CNDP2: variants seen among roughly 807,000 people sequenced by gnomAD.
CNDP2 encodes cytosolic non-specific dipeptidase.
Under a neutral mutation model 55.0 loss-of-function variants are expected in CNDP2, and 38 were observed. The observed-to-expected ratio is 0.69, with a 90% CI of 0.53 to 0.90. The LOEUF is 0.90. Among genes scored for constraint, CNDP2 ranks in the 40% least tolerant of loss-of-function variants. CNDP2 has a pLI of 0.00. For missense variants in CNDP2, 607 were observed against 621.7 expected (o/e 0.98, Z 0.25); for synonymous variants, 241 against 260.2 (o/e 0.93, Z 0.71).
rs774078351 is a variant in CNDP2 at position 74,512,440 on chromosome 18, C to T, written c.658-8C>T. On this transcript the variant is annotated splice_region_variant and splice_polypyrimidine_tract_variant and intron_variant, in intron 6 of 11. Transcript: ENST00000324262. Reference sequence around the variant, plus strand: ...CAGCCAGACACAGTGGCCTTTGTTTCCGTGCAGGTGGAGTGCAGCAACAAA... The same window carrying T: ...CAGCCAGACACAGTGGCCTTTGTTTTCGTGCAGGTGGAGTGCAGCAACAAA... 6 of 1,610,798 alleles carry T rather than the reference C, an allele frequency of 3.7e-6. No individual in the cohort carries two copies. In the East Asian group the frequency reaches 8.9e-5, roughly 24 times the overall value.
At position 74,499,885 on chromosome 18, in the gene CNDP2, G is replaced by T; in HGVS notation, c.-89G>T. On this transcript the variant is annotated 5_prime_UTR_variant, in exon 2 of 12. Coordinates refer to ENST00000324262, the MANE Select transcript of CNDP2 (RefSeq NM_018235.3). The stretch of plus-strand genomic sequence containing the variant: ...TGAACACGTGCTTTCTGGGCAGGTC[G>T]CCCCTCAGTCTCCACTAGAGACAGG... 4 of 1,158,666 alleles carry T rather than the reference G, an allele frequency of 3.5e-6. No individual in the cohort carries two copies. The highest frequency in any genetic ancestry group is 5.1e-6 in the Non-Finnish European group (4 of 789,338). The allele number at this position is 1,158,666 out of a possible 1,614,324, so 71.8% of individuals were successfully genotyped here.
intron 3 of CNDP2, chr18:74,504,791 G>C (rs1455561893): frequency 6.6e-6 from 1 of 152,204 alleles, no homozygotes; most frequent in African/African-American, 2.4e-5. Flanking sequence ...GACACTTTGT[G>C]ATGATCATGG....
Position 74,520,351 on chromosome 18 carries a change from G to T in CNDP2, c.*283G>T. On this transcript the variant is annotated 3_prime_UTR_variant, in exon 12 of 12. Transcript: ENST00000324262. ...GATACCCAAGGTCCAAAAGCACAAGGTCTGCGGAAAGTTCTGGTTGTCGGC... is the reference window on the plus strand; with the variant it reads ...GATACCCAAGGTCCAAAAGCACAAGTTCTGCGGAAAGTTCTGGTTGTCGGC... 2.5e-6 allele frequency: 1 copy of T among 392,626 alleles called. No homozygotes were observed. The highest frequency in any genetic ancestry group is 4.7e-6 in the Non-Finnish European group (1 of 212,026). 24.3% of individuals were successfully genotyped at this position (392,626 alleles called of 1,614,324 possible).
At chr18:74,513,487 C>A in intron 7 of CNDP2, 72 bp from the exon 8 acceptor site, 1 of 1,442,686 alleles carries the variant, frequency 6.9e-7, no homozygotes, top group Non-Finnish European at 9.2e-7. Flanking sequence ...TTCCTGGGGT[C>A]GGTGCAGGAA....
intron 9 of CNDP2, 68 bp downstream of exon 9, chr18:74,516,460 T>A (rs2241509): frequency 0.41 from 594,777 of 1,458,748 alleles, 121,997 homozygotes; most frequent in Admixed American, 0.42. Context: ...TTGGGTAATA[T>A]AGGCTGTTAC....
intron 4 of CNDP2, 58 bp from the exon 5 acceptor site, chr18:74,508,782 C>G: frequency 7.0e-7 from 1 of 1,430,488 alleles, no homozygotes; most frequent in South Asian, 1.1e-5. Context: ...ACCTGAGACA[C>G]GCTGCTTCTG....
At chr18:74,499,777 C>T in intron 1 of CNDP2, 105 bp from the exon 2 acceptor site, 1 of 454,616 alleles carries the variant, frequency 2.2e-6, no homozygotes, top group African/African-American at 2.0e-5. Context: ...GTTTTTGTCT[C>T]TGAAGCCGCA....
Position 74,520,316 on chromosome 18 carries a change from A to C in CNDP2, c.*248A>C. The C allele has an allele frequency of 4.3e-6, 2 of 469,362 alleles. No homozygotes were observed. Among genetic ancestry groups the C allele is most frequent in the Admixed American group, 3.7e-5 (1 of 27,078 alleles). The allele number at this position is 469,362 out of a possible 1,614,324, so 29.1% of individuals were successfully genotyped here. On this transcript the variant is annotated 3_prime_UTR_variant, in exon 12 of 12. Coordinates refer to ENST00000324262, the MANE Select transcript of CNDP2 (RefSeq NM_018235.3). ...TTCTCAGAGTGGTCAGGATGGCTTGACCTGCAGAAGATACCCAAGGTCCAA... is the reference window on the plus strand; with the variant it reads ...TTCTCAGAGTGGTCAGGATGGCTTGCCCTGCAGAAGATACCCAAGGTCCAA...
intron 5 of CNDP2, chr18:74,509,507 A>C (rs1267121576): frequency 6.6e-6 from 1 of 152,116 alleles, no homozygotes; most frequent in Non-Finnish European, 1.5e-5. Flanking sequence ...GGTGGTGGGC[A>C]CCTGTAATCC....
rs547973029 is a variant in CNDP2, at chr18:74,510,801, C to T, written c.457-12C>T. 173 of 1,610,430 alleles carry T rather than the reference C, an allele frequency of 1.1e-4. 2 individuals are homozygous for T. The South Asian group carries it at 1.8e-3, about 17-fold the overall frequency. ...AAGCTGAATATCCACTCGTGCTGTT[C>T]CCTTCTCACAGGAGATTCCTGTCAA... On this transcript the variant is annotated splice_polypyrimidine_tract_variant and intron_variant, in intron 5 of 11. Coordinates refer to ENST00000324262, the MANE Select transcript of CNDP2 (RefSeq NM_018235.3).
In CNDP2 at chr18:74,513,632, G is replaced by A. The variant is rs1166686439; in HGVS notation, c.816G>A (p.Glu272=). The A allele has an allele frequency of 1.2e-6, 2 of 1,614,100 alleles. No individual in the cohort carries two copies. Among genetic ancestry groups the A allele is most frequent in the Non-Finnish European group, 1.7e-6 (2 of 1,180,038 alleles). ...AGGCCGTGGCCGCCGTCACGGAAGA[G>A]GAGCACAAGCTGTACGACGACATCG... ...INEAVAAVTE[E]EHKLYDDIDF... is the part of the protein sequence containing the mutation. Residue 272 remains glutamate, a synonymous_variant, in exon 8 of 12, where the codon GAG becomes GAA. Transcript: ENST00000324262.
intron 8 of CNDP2, 85 bp downstream of exon 8, chr18:74,513,804 C>A: frequency 7.1e-7 from 1 of 1,404,402 alleles, no homozygotes; most frequent in South Asian, 1.3e-5. Flanking sequence ...TTCCCTGGGT[C>A]CAGGGGGTCT....
In CNDP2 at chr18:74,523,168, T is replaced by G. The variant is rs1358144690; in HGVS notation, c.*3100T>G. 2 of 152,266 alleles carry G rather than the reference T, an allele frequency of 1.3e-5. No individual in the cohort carries two copies. Among genetic ancestry groups the G allele is most frequent in the Non-Finnish European group, 2.9e-5 (2 of 68,052 alleles). 9.4% of individuals were successfully genotyped at this position (152,266 alleles called of 1,614,324 possible). A position where few individuals can be genotyped will look rare whatever the true frequency, so the allele number is the denominator to read the frequency against. ...ATTTGCACACGTCCAGACTGCTTTA[T>G]GTTAGAAGCTGAGCTGGCATGCCAC... On this transcript the variant is annotated 3_prime_UTR_variant, in exon 12 of 12. Transcript: ENST00000324262.
intron 1 of CNDP2, among the ~76,000 whole-genome samples, chr18:74,496,694 G>A (rs1300548606): frequency 6.6e-6 from 1 of 152,210 alleles, no homozygotes; most frequent in Non-Finnish European, 1.5e-5. Context: ...GCGCGTCCCC[G>A]GTACGCAGGG....
At chr18:74,502,181 A>T (rs555145091) in intron 3 of CNDP2, among the ~76,000 whole-genome samples, 1 of 152,282 alleles carries the variant, frequency 6.6e-6, no homozygotes, top group East Asian at 1.9e-4. Context: ...CCACTTTTTC[A>T]TAAGAGATAT....
chr18:74,512,504 G>A lies in CNDP2; in HGVS notation c.714G>A (p.Glu238=). Residue 238 remains glutamate (E), a synonymous_variant, in exon 7 of 12, where the codon GAG becomes GAA. Coordinates refer to ENST00000324262, the MANE Select transcript of CNDP2 (RefSeq NM_018235.3). ...GGGTGTACGGGGGCTCGGTGCATGA[G>A]GCCATGACTGATCTCATTTTGCTGA... The part of the protein sequence containing the change: ...HSGVYGGSVH[E]AMTDLILLMG... The A allele has an allele frequency of 6.2e-7, 1 of 1,613,994 alleles. No homozygotes were observed. The highest frequency in any genetic ancestry group is 1.3e-5 in the African/African-American group (1 of 75,016).
Position 74,520,342 on chromosome 18 carries a change from A to C in CNDP2, c.*274A>C. On this transcript the variant is annotated 3_prime_UTR_variant, in exon 12 of 12. Transcript: ENST00000324262. ...CCTGCAGAAGATACCCAAGGTCCAA[A>C]AGCACAAGGTCTGCGGAAAGTTCTG... 1 of 414,874 alleles carries C rather than the reference A, an allele frequency of 2.4e-6. No individual in the cohort carries two copies. 25.7% of individuals were successfully genotyped at this position (414,874 alleles called of 1,614,324 possible).
rs1290009704 is a variant in CNDP2 at position 74,508,923 on chromosome 18, G to C, written c.451G>C (p.Gly151Arg). 1.2e-6 allele frequency: 2 copies of C among 1,613,920 alleles called. 1 individual carries two copies. The highest frequency in any genetic ancestry group is 2.2e-5 in the South Asian group (2 of 91,082). Residue 151 changes from glycine to arginine, a missense_variant, in exon 5 of 12, where the codon GGC becomes CGC. By Grantham distance (125) the Gly-to-Arg change is moderately radical (BLOSUM62 -2). Transcript: ENST00000324262. ...CGCCCTGGAAGCGTATCAGAAAACAGGCCAGGTATGCCCCCCACGCTGACT... is the reference window on the plus strand; with the variant it reads ...CGCCCTGGAAGCGTATCAGAAAACACGCCAGGTATGCCCCCCACGCTGACT... Reference protein sequence around the residue: ...INALEAYQKTGQEIPVNVRFC... With the variant: ...INALEAYQKTRQEIPVNVRFC...
At chr18:74,504,918 G>A (rs1001590976) in intron 3 of CNDP2, 2 of 152,178 alleles carry the variant, frequency 1.3e-5, no homozygotes, top group Admixed American at 1.3e-4. Context: ...GACCTGATGT[G>A]AAAACTGGAA....
Sources: gnomAD v4.1 joint callset for allele counts (sites outside exome capture counted in the v4.1 genomes callset) on GRCh38, gnomAD v4.1.1 for gene constraint, MANE v1.5 for transcripts, NCBI Gene and HGNC (gene_info 2026-07-23, HGNC 2026-07-21) for gene names.